Variants in PTCHD4 observed in about 807,000 individuals in gnomAD.
PTCHD4 encodes the protein patched domain containing 4, also known as patched domain-containing protein 4.
In PTCHD4, 33 loss-of-function variants were observed where a neutral mutation model predicts 58.1. That is an observed-to-expected ratio of 0.57 (90% confidence interval 0.43 to 0.76). The LOEUF (loss-of-function observed/expected upper bound fraction) is 0.76. PTCHD4 is among the 30% of genes least tolerant of loss of function. The pLI is 0.00. For missense variants in PTCHD4, 1,058 were observed against 1,027.1 expected (o/e 1.03, Z -0.41); for synonymous variants, 478 against 409.6 (o/e 1.17, Z -2.02).
Position 47,865,026 on chromosome 6 carries a change from A to G in PTCHD4, c.*13277T>C, listed in dbSNP as rs1763522535. 6.6e-6 allele frequency among the ~76,000 whole-genome samples: 1 copy of G among 151,982 alleles called. No homozygotes were observed. Among genetic ancestry groups the G allele is most frequent in the Non-Finnish European group, 1.5e-5 (1 of 67,916 alleles). On this transcript the variant is annotated 3_prime_UTR_variant, in exon 5 of 5. Coordinates refer to ENST00000339488, the MANE Select transcript of PTCHD4 (RefSeq NM_001384253.1). Reference sequence around the variant, plus strand: ...AGGAACAGTGATCTTGTTTCTAAGCATAAATCACCTGAACTGCTAAATTCC... The same window carrying G: ...AGGAACAGTGATCTTGTTTCTAAGCGTAAATCACCTGAACTGCTAAATTCC...
At chr6:48,006,773 G>C (rs1762452909) in intron 4 of PTCHD4, among the ~76,000 whole-genome samples, 1 of 152,200 alleles carries the variant, frequency 6.6e-6, no homozygotes, top group Non-Finnish European at 1.5e-5. Flanking sequence ...CTATTCATTA[G>C]TGAATCCATT....
chr6:47,916,276 A>C (rs1765241135), intron 4 of PTCHD4, among the ~76,000 whole-genome samples: 1 of 152,108 alleles, frequency 6.6e-6, no homozygotes, highest in South Asian at 2.1e-4. Context: ...ATGTTAATGG[A>C]GGAGGCAGGA....
At chr6:47,901,036 C>T (rs916904604) in intron 4 of PTCHD4, 2 of 150,762 alleles carry the variant, frequency 1.3e-5, no homozygotes, top group African/African-American at 4.9e-5. Context: ...CGCCTGTAGT[C>T]CCAGCTACTC....
chr6:48,075,636 A>G (rs1765050776), intron 1 of PTCHD4, among the ~76,000 whole-genome samples: 1 of 152,218 alleles, frequency 6.6e-6, no homozygotes, highest in African/African-American at 2.4e-5. Context: ...TATTGCAATA[A>G]AGCAAGTCAC....
At chr6:48,105,866 C>T (rs186035635) in intron 1 of PTCHD4, among the ~76,000 whole-genome samples, 5 of 152,224 alleles carry the variant, frequency 3.3e-5, no homozygotes, top group Non-Finnish European at 7.4e-5. Context: ...TGGATAAATT[C>T]CTTGACACAT....
intron 1 of PTCHD4, among the ~76,000 whole-genome samples, chr6:48,072,573 C>A (rs1764994913): frequency 1.3e-5 from 2 of 152,166 alleles, no homozygotes. Context: ...AATGGTACTA[C>A]AAACAAAGAT....
intron 4 of PTCHD4, among the ~76,000 whole-genome samples, chr6:47,973,075 T>C (rs1303860607): frequency 2.0e-5 from 3 of 152,182 alleles, no homozygotes; most frequent in African/African-American, 7.2e-5. Context: ...CACTACATTA[T>C]ATTTCTTATT....
chr6:48,033,355 T>C (rs1763517448), intron 3 of PTCHD4, among the ~76,000 whole-genome samples: 1 of 151,988 alleles, frequency 6.6e-6, no homozygotes, highest in Non-Finnish European at 1.5e-5. Context: ...TTTCATCCTT[T>C]CTGGTAATCT....
intron 4 of PTCHD4, among the ~76,000 whole-genome samples, chr6:47,974,379 G>A (rs1276805608): frequency 6.6e-6 from 1 of 152,162 alleles, no homozygotes; most frequent in Non-Finnish European, 1.5e-5. Flanking sequence ...GACTTTGAGA[G>A]CTAGAAGTGT....
In PTCHD4 at chr6:47,890,043, A is replaced by G. The variant is rs183066714; in HGVS notation, c.899-10107T>C. Among the ~76,000 whole-genome samples, 140 of 151,516 alleles carry G rather than the reference A, an allele frequency of 9.2e-4. 2 individuals carry two copies. Among genetic ancestry groups the G allele is most frequent in the Middle Eastern group, 6.8e-3 (2 of 294 alleles). On this transcript the variant is annotated intron_variant, in intron 4 of 4. Coordinates refer to ENST00000339488, the MANE Select transcript of PTCHD4 (RefSeq NM_001384253.1). The stretch of plus-strand genomic sequence containing the variant: ...ATCCAGTGTATGTGTGTATATATAT[A>G]TATGTGTGTGTGTGTGTGTTTGTGC...
chr6:47,925,165 T>C (rs1765565407), intron 4 of PTCHD4, among the ~76,000 whole-genome samples: 1 of 148,966 alleles, frequency 6.7e-6, no homozygotes, highest in African/African-American at 2.5e-5. Context: ...TGTGTTTATA[T>C]GTGTATATTA....
chr6:48,030,138 A>T (rs555784520), intron 3 of PTCHD4, among the ~76,000 whole-genome samples: 2 of 152,184 alleles, frequency 1.3e-5, no homozygotes, highest in East Asian at 1.9e-4. Flanking sequence ...AATAAATAAG[A>T]AAAAAAGGTC....
chr6:47,939,794 T>C (rs1348975964), intron 4 of PTCHD4, among the ~76,000 whole-genome samples: 2 of 152,132 alleles, frequency 1.3e-5, no homozygotes, highest in Non-Finnish European at 2.9e-5. Context: ...ACCGCAGTTT[T>C]ACCTGTTATT....
chr6:48,088,365 G>A (rs1765301157), intron 1 of PTCHD4, among the ~76,000 whole-genome samples: 1 of 152,066 alleles, frequency 6.6e-6, no homozygotes, highest in Admixed American at 6.6e-5. Flanking sequence ...TTCTTAAATG[G>A]GTAAGTGATT....
chr6:48,097,401 G>A (rs1334732126), intron 1 of PTCHD4, among the ~76,000 whole-genome samples: 4 of 152,022 alleles, frequency 2.6e-5, no homozygotes, highest in African/African-American at 9.7e-5. Context: ...GAAAGACAAG[G>A]AAATTGAAAC....
chr6:48,068,916 T>C lies in PTCHD4; in HGVS notation c.5+37A>G, dbSNP rs1764907802. ...CGCGGGGCCCACCCCCTCCCCGGTC[T>C]CCCCGCGCCCTCGCCGCCTCCCGCG... On this transcript the variant is annotated intron_variant, in intron 2 of 4. Coordinates refer to ENST00000339488, the MANE Select transcript of PTCHD4 (RefSeq NM_001384253.1). The surrounding 1 kb of genome is among the most constrained non-coding windows in gnomAD (Gnocchi z 4.2). 6.6e-6 allele frequency among the ~76,000 whole-genome samples: 1 copy of C among 150,966 alleles called. No homozygotes were observed. Among genetic ancestry groups the C allele is most frequent in the South Asian group, 2.1e-4 (1 of 4,756 alleles).
At chr6:48,035,557 A>G (rs1763603273) in intron 3 of PTCHD4, among the ~76,000 whole-genome samples, 1 of 152,188 alleles carries the variant, frequency 6.6e-6, no homozygotes, top group South Asian at 2.1e-4. Flanking sequence ...CTCTCCTTGA[A>G]GAAACTCTAC....
chr6:48,095,203 A>C (rs1009073283), intron 1 of PTCHD4, among the ~76,000 whole-genome samples: 1 of 152,216 alleles, frequency 6.6e-6, no homozygotes, highest in Admixed American at 6.5e-5. Context: ...TTTCACATGT[A>C]TACAGTGTAC....
At chr6:48,006,457 C>T (rs1392361768) in intron 4 of PTCHD4, among the ~76,000 whole-genome samples, 1 of 152,132 alleles carries the variant, frequency 6.6e-6, no homozygotes, top group Non-Finnish European at 1.5e-5. Context: ...TTTTAGAAAG[C>T]AACCCTGGAA....
Sources: gnomAD v4.1 joint callset for allele counts (sites outside exome capture counted in the v4.1 genomes callset) on GRCh38, gnomAD v4.1.1 for gene constraint, Gnocchi (gnomAD v3.1) non-coding constraint, MANE v1.5 for transcripts, NCBI Gene and HGNC (gene_info 2026-07-23, HGNC 2026-07-21) for gene names.